HMGCS1: variants seen among roughly 807,000 people sequenced by gnomAD.
HMGCS1 encodes 3-hydroxy-3-methylglutaryl-CoA synthase 1, also known as hydroxymethylglutaryl-CoA synthase, cytoplasmic.
HMGCS1 carries 9 observed loss-of-function variants against 52.3 expected under a neutral mutation model. The observed-to-expected ratio is 0.17, with a 90% CI of 0.10 to 0.30. HMGCS1 has a LOEUF of 0.30. HMGCS1 is among the 10% of genes least tolerant of loss of function. HMGCS1 has a pLI of 1.00. For synonymous variants in HMGCS1, 176 were observed against 214.4 expected (o/e 0.82, Z 1.57); for missense variants, 320 against 620.9 (o/e 0.52, Z 5.15).
At position 43,288,713 on chromosome 5, in the gene HMGCS1, C is replaced by T. The variant is rs1464438988; in HGVS notation, c.*2418G>A. ...TGCAAGCAGAAGTGACCTTAGAGAA[C>T]GCTAGCCTCTAAATGACCCAGAAAG... On this transcript the variant is annotated 3_prime_UTR_variant, in exon 11 of 11. Coordinates refer to ENST00000325110, the MANE Select transcript of HMGCS1 (RefSeq NM_001098272.3). 1.3e-5 allele frequency: 2 copies of T among 152,124 alleles called. No individual in the cohort carries two copies. Among genetic ancestry groups the T allele is most frequent in the Non-Finnish European group, 1.5e-5 (1 of 68,048 alleles). 9.4% of individuals were successfully genotyped at this position (152,124 alleles called of 1,614,324 possible). A position where few individuals can be genotyped will look rare whatever the true frequency, so the allele number is the denominator to read the frequency against.
At chr5:43,310,088 A>T (rs1230207345) in intron 1 of HMGCS1, among the ~76,000 whole-genome samples, 2 of 152,248 alleles carry the variant, frequency 1.3e-5, no homozygotes, top group Non-Finnish European at 2.9e-5. Flanking sequence ...AAATCTAGGA[A>T]ATTAAGAACA....
chr5:43,291,769 G>T (rs1753779044), intron 10 of HMGCS1, among the ~76,000 whole-genome samples: 1 of 152,030 alleles, frequency 6.6e-6, no homozygotes, highest in Non-Finnish European at 1.5e-5. Context: ...TAAGTAAAGT[G>T]CCTAGCAGGT....
chr5:43,309,370 GC>G (rs1754745426), intron 1 of HMGCS1, among the ~76,000 whole-genome samples: 1 of 151,874 alleles, frequency 6.6e-6, no homozygotes, highest in Non-Finnish European at 1.5e-5. Flanking sequence ...CCCGCAAGTA[GC>G]TGGGACTACA....
chr5:43,299,808 T>C (rs1052654304), intron 2 of HMGCS1, among the ~76,000 whole-genome samples: 17 of 152,156 alleles, frequency 1.1e-4, no homozygotes, highest in Non-Finnish European at 2.1e-4. Flanking sequence ...CTCAAGACCA[T>C]TGTTGGGCAT....
In HMGCS1 at chr5:43,298,508, T is replaced by C; in HGVS notation, c.448+10A>G. Reference sequence around the variant, plus strand: ...TTTGGGGGACGGCGGGGAATAGGCATGTAACATACCATCCCAAGAGCTGGA... The same window carrying C: ...TTTGGGGGACGGCGGGGAATAGGCACGTAACATACCATCCCAAGAGCTGGA... On this transcript the variant is annotated intron_variant, in intron 3 of 10. Coordinates refer to ENST00000325110, the MANE Select transcript of HMGCS1 (RefSeq NM_001098272.3). This position sits in a 1 kb window ranked among gnomAD's most constrained non-coding sequence, Gnocchi z 5.6. The C allele has an allele frequency of 6.2e-7, 1 of 1,605,194 alleles. No homozygotes were observed. The highest frequency in any genetic ancestry group is 2.2e-5 in the East Asian group (1 of 44,722).
At chr5:43,293,967 G>C in intron 8 of HMGCS1, 89 bp downstream of exon 8, 1 of 822,618 alleles carries the variant, frequency 1.2e-6, no homozygotes, top group Non-Finnish European at 2.1e-6. Flanking sequence ...TGCCCGCCTC[G>C]GCCTCCCAAA....
At position 43,310,458 on chromosome 5, in the gene HMGCS1, G is replaced by A. The variant is rs150042789; in HGVS notation, c.-69-2634C>T. 4.5e-4 allele frequency among the ~76,000 whole-genome samples: 68 copies of A among 152,292 alleles called. 3 individuals carry two copies. In the East Asian group the frequency reaches 0.013, roughly 29 times the overall value. Reference sequence around the variant, plus strand: ...CAGGATTCCTACACTTCTTTTGGGAGAGGGGCTATATATTTTGATTTTTTG... The same window carrying A: ...CAGGATTCCTACACTTCTTTTGGGAAAGGGGCTATATATTTTGATTTTTTG... On this transcript the variant is annotated intron_variant, in intron 1 of 10. Coordinates refer to ENST00000325110, the MANE Select transcript of HMGCS1 (RefSeq NM_001098272.3).
chr5:43,296,004 T>C, intron 5 of HMGCS1, 87 bp from the exon 6 acceptor site: 2 of 972,390 alleles, frequency 2.1e-6, no homozygotes, highest in Non-Finnish European at 1.6e-6. Context: ...AGGATATTTG[T>C]ATATGTTTAA....
In HMGCS1 at chr5:43,288,215, C is replaced by A. The variant is rs543878501; in HGVS notation, c.*2916G>T. On this transcript the variant is annotated 3_prime_UTR_variant, in exon 11 of 11. Transcript: ENST00000325110. ...CCATCTGAGGATTTCTAATCATAAT[C>A]TTCAGCATCAAATTACTGCCTTTAT... The A allele has an allele frequency of 2.1e-4, 32 of 152,268 alleles. No homozygotes were observed. In the Middle Eastern group the frequency reaches 0.01, roughly 49 times the overall value. The allele number at this position is 152,268 out of a possible 1,614,324, so 9.4% of individuals were successfully genotyped here.
chr5:43,290,915 G>A lies in HMGCS1; in HGVS notation c.*216C>T. On this transcript the variant is annotated 3_prime_UTR_variant, in exon 11 of 11. Transcript: ENST00000325110. ...CCTTAACATCATTCGAGTACATTTGGCATTGGCCAGACCACAACAGGAAGC... is the reference window on the plus strand; with the variant it reads ...CCTTAACATCATTCGAGTACATTTGACATTGGCCAGACCACAACAGGAAGC... The A allele has an allele frequency of 6.0e-6, 3 of 498,226 alleles. No homozygotes were observed. Among genetic ancestry groups the A allele is most frequent in the East Asian group, 3.0e-5 (1 of 33,674 alleles). 30.9% of individuals were successfully genotyped at this position (498,226 alleles called of 1,614,324 possible).
intron 10 of HMGCS1, among the ~76,000 whole-genome samples, chr5:43,291,987 CTTTTTTTTTTTTTTTT>C (rs537398917): frequency 2.4e-5 from 2 of 83,114 alleles, no homozygotes; most frequent in Non-Finnish European, 2.1e-5. Flanking sequence ...ACTGTATATT[CTTTTTTTTTTTTTTTT>C]TTTTTTTTGA....
intron 2 of HMGCS1, among the ~76,000 whole-genome samples, chr5:43,300,476 C>T (rs1033283335): frequency 6.6e-6 from 1 of 152,106 alleles, no homozygotes; most frequent in Non-Finnish European, 1.5e-5. Context: ...TGTCATTTGT[C>T]CTCTGCTGCT....
Position 43,298,172 on chromosome 5 carries a change from C to A in HMGCS1, c.449-38G>T. ...TTTTGTTATTTCACAAGAAGGAATT[C>A]AACACTATAACCAAACATGGAAACT... On this transcript the variant is annotated intron_variant, in intron 3 of 10. Transcript: ENST00000325110. The surrounding 1 kb of genome is among the most constrained non-coding windows in gnomAD (Gnocchi z 5.6). 6.4e-7 allele frequency: 1 copy of A among 1,572,706 alleles called. No individual in the cohort carries two copies. The highest frequency in any genetic ancestry group is 8.7e-7 in the Non-Finnish European group (1 of 1,152,734).
Position 43,297,144 on chromosome 5 carries a change from T to A in HMGCS1, c.597A>T (p.Gln199His), listed in dbSNP as rs1311350388. 5 of 1,612,876 alleles carry A rather than the reference T, an allele frequency of 3.1e-6. No homozygotes were observed. In the East Asian group the frequency reaches 6.7e-5, roughly 22 times the overall value. The change falls in exon 5 of 11, where the codon CAA becomes CAT. Residue 199 changes from glutamine (Q) to histidine (H), a missense_variant. Physicochemically the swap from Gln to His is conservative, Grantham distance 24. Transcript: ENST00000325110. ...CAGGCTTGTAAAAATCATAGGCATG[T>A]TGCATATGTGTCCCACGAAGCCCTA... The part of the protein sequence containing the change: ...FERGLRGTHM[Q>H]HAYDFYKPDM...
intron 1 of HMGCS1, among the ~76,000 whole-genome samples, chr5:43,308,431 TG>T (rs1368828999): frequency 7.9e-5 from 12 of 152,250 alleles, no homozygotes; most frequent in Non-Finnish European, 1.5e-4. Flanking sequence ...TTCTTATAAG[TG>T]TTTTTCAAAG....
intron 1 of HMGCS1, among the ~76,000 whole-genome samples, chr5:43,312,543 T>C (rs1754922449): frequency 6.6e-6 from 1 of 152,224 alleles, no homozygotes. Flanking sequence ...TGCTTTGAAA[T>C]ATCCTTAGCT....
chr5:43,309,924 G>A (rs1484460033), intron 1 of HMGCS1, among the ~76,000 whole-genome samples: 1 of 152,174 alleles, frequency 6.6e-6, no homozygotes, highest in Non-Finnish European at 1.5e-5. Context: ...GTTTCTTCTG[G>A]AGTTTACTCA....
At chr5:43,310,007 T>C (rs187379351) in intron 1 of HMGCS1, among the ~76,000 whole-genome samples, 2 of 152,384 alleles carry the variant, frequency 1.3e-5, no homozygotes, top group East Asian at 3.9e-4. Flanking sequence ...GTTCATTGCC[T>C]ACACATTTTG....
At chr5:43,306,945 T>C (rs1005734927) in intron 2 of HMGCS1, among the ~76,000 whole-genome samples, 9 of 152,122 alleles carry the variant, frequency 5.9e-5, no homozygotes, top group African/African-American at 2.2e-4. Context: ...AATCATAATC[T>C]TGAAATACAA....
Sources: gnomAD v4.1 joint callset for allele counts (sites outside exome capture counted in the v4.1 genomes callset) on GRCh38, gnomAD v4.1.1 for gene constraint, Gnocchi (gnomAD v3.1) non-coding constraint, MANE v1.5 for transcripts, NCBI Gene and HGNC (gene_info 2026-07-23, HGNC 2026-07-21) for gene names.